Variants in RNGTT observed in about 807,000 individuals in gnomAD.
RNGTT encodes the protein RNA guanylyltransferase and 5'-phosphatase.
Under a neutral mutation model 79.3 loss-of-function variants are expected in RNGTT, and 33 were observed. The ratio of observed to expected loss-of-function variants is 0.42; its 90% CI spans 0.32 to 0.56. The LOEUF (loss-of-function observed/expected upper bound fraction) is 0.56. Ranked by LOEUF, RNGTT falls within the 20% of genes least tolerant of loss-of-function variation. The probability of loss-of-function intolerance (pLI) is 0.17; values close to 1 mark genes in which losing one functional copy is unlikely to be tolerated. For missense variants in RNGTT, 497 were observed against 739.1 expected (o/e 0.67, Z 3.80); for synonymous variants, 222 against 235.9 (o/e 0.94, Z 0.54).
chr6:88,826,779 G>A (rs191872133), intron 11 of RNGTT, among the ~76,000 whole-genome samples: 350 of 123,558 alleles, frequency 2.8e-3, no homozygotes, highest in Middle Eastern at 5.9e-3. Flanking sequence ...GCAAAACCCT[G>A]TCTCAAAAGA....
intron 4 of RNGTT, among the ~76,000 whole-genome samples, chr6:88,917,327 G>A (rs986690932): frequency 6.6e-6 from 1 of 151,978 alleles, no homozygotes; most frequent in Non-Finnish European, 1.5e-5. Flanking sequence ...CAATAAAAAA[G>A]GATATTTATA....
chr6:88,819,867 C>T (rs1486411977), intron 11 of RNGTT, among the ~76,000 whole-genome samples: 1 of 152,082 alleles, frequency 6.6e-6, no homozygotes, highest in African/African-American at 2.4e-5. Flanking sequence ...TTCTATCTAC[C>T]TGCTACAGCT....
chr6:88,962,306 A>T (rs962432964), intron 1 of RNGTT, among the ~76,000 whole-genome samples: 4 of 152,170 alleles, frequency 2.6e-5, no homozygotes, highest in Non-Finnish European at 5.9e-5. Context: ...CTCAATAAAG[A>T]TGAAAAAAAC....
At chr6:88,688,315 T>C (rs1034970288) in intron 13 of RNGTT, among the ~76,000 whole-genome samples, 3 of 152,206 alleles carry the variant, frequency 2.0e-5, no homozygotes, top group African/African-American at 7.2e-5. Flanking sequence ...GGACTATCAG[T>C]AAGGCCTCAT....
intron 8 of RNGTT, among the ~76,000 whole-genome samples, chr6:88,888,920 T>C (rs1782954189): frequency 6.6e-6 from 1 of 151,998 alleles, no homozygotes; most frequent in Non-Finnish European, 1.5e-5. Flanking sequence ...CCCAGCTACT[T>C]GGGAGGCTGA....
At chr6:88,732,293 T>C (rs1358687847) in intron 13 of RNGTT, among the ~76,000 whole-genome samples, 1 of 152,152 alleles carries the variant, frequency 6.6e-6, no homozygotes, top group Non-Finnish European at 1.5e-5. Context: ...TCAAAATCAC[T>C]ACCATTATGG....
In RNGTT at chr6:88,904,724, C is replaced by T. The variant is rs752801147; in HGVS notation, c.675G>A (p.Arg225=). The part of the protein sequence containing the change: ...SASFGKRRKE[R]LKLGAIFLEG... Reference sequence around the variant, plus strand: ...TATTTTTAAACATTACCAGTTTTAACCGTTCTTTTCTCCTTTTGCCAAAAG... The same window carrying T: ...TATTTTTAAACATTACCAGTTTTAATCGTTCTTTTCTCCTTTTGCCAAAAG... Residue 225 remains arginine, a synonymous_variant, in exon 6 of 16, where the codon CGG becomes CGA. Coordinates refer to ENST00000369485, the MANE Select transcript of RNGTT (RefSeq NM_003800.5). The T allele has an allele frequency of 6.2e-7, 1 of 1,612,702 alleles. No individual in the cohort carries two copies. The highest frequency in any genetic ancestry group is 1.1e-5 in the South Asian group (1 of 90,766).
At chr6:88,695,614 G>C (rs185686760) in intron 13 of RNGTT, among the ~76,000 whole-genome samples, 1 of 152,256 alleles carries the variant, frequency 6.6e-6, no homozygotes, top group Non-Finnish European at 1.5e-5. Context: ...ACTAAAAGTA[G>C]AATTATGATA....
At chr6:88,803,348 G>T (rs1779847203) in intron 11 of RNGTT, among the ~76,000 whole-genome samples, 1 of 151,932 alleles carries the variant, frequency 6.6e-6, no homozygotes, top group Non-Finnish European at 1.5e-5. Context: ...GGCTGAGGCG[G>T]GCAGATCATG....
chr6:88,721,720 C>T (rs1466190390), intron 13 of RNGTT, among the ~76,000 whole-genome samples: 1 of 152,054 alleles, frequency 6.6e-6, no homozygotes, highest in Non-Finnish European at 1.5e-5. Context: ...AACAAGCCAC[C>T]TACAATCTTC....
intron 13 of RNGTT, among the ~76,000 whole-genome samples, chr6:88,748,335 T>C (rs1777733181): frequency 1.3e-5 from 2 of 152,116 alleles, no homozygotes; most frequent in Non-Finnish European, 2.9e-5. Context: ...CTTAGTCATC[T>C]CTTGCCACAC....
intron 13 of RNGTT, 118 bp from the exon 14 acceptor site, chr6:88,678,537 A>T: frequency 2.1e-6 from 1 of 468,326 alleles, no homozygotes; most frequent in Non-Finnish European, 3.2e-6. Flanking sequence ...TATTAGATGG[A>T]TGCTGTGAGA....
chr6:88,901,600 G>T (rs555455721), intron 6 of RNGTT, among the ~76,000 whole-genome samples: 2 of 139,324 alleles, frequency 1.4e-5, no homozygotes, highest in African/African-American at 5.4e-5. Flanking sequence ...TCCGCCTCCC[G>T]GGTTCAAGCC....
intron 13 of RNGTT, among the ~76,000 whole-genome samples, chr6:88,709,707 A>G (rs1160243649): frequency 6.6e-6 from 1 of 152,222 alleles, no homozygotes; most frequent in Admixed American, 6.5e-5. Context: ...AATCTTCAAA[A>G]TGTGGTGTGT....
chr6:88,744,303 C>A (rs1192257268), intron 13 of RNGTT, among the ~76,000 whole-genome samples: 1 of 151,924 alleles, frequency 6.6e-6, no homozygotes, highest in African/African-American at 2.4e-5. Flanking sequence ...CTCTTGTCAT[C>A]CAGGCTGGAG....
At chr6:88,837,535 T>A (rs368207299) in intron 11 of RNGTT, among the ~76,000 whole-genome samples, 22 of 152,108 alleles carry the variant, frequency 1.4e-4, no homozygotes, top group African/African-American at 5.1e-4. Flanking sequence ...ATATCAAGAT[T>A]ATTTATAAAC....
chr6:88,766,898 C>T (rs1423073529), intron 13 of RNGTT, among the ~76,000 whole-genome samples: 1 of 152,060 alleles, frequency 6.6e-6, no homozygotes, highest in Non-Finnish European at 1.5e-5. Context: ...TTCACTAGTG[C>T]ATGCTTAATG....
chr6:88,881,980 G>T (rs1450038270), intron 8 of RNGTT, among the ~76,000 whole-genome samples: 1 of 152,040 alleles, frequency 6.6e-6, no homozygotes, highest in African/African-American at 2.4e-5. Context: ...CCCTTAGCTT[G>T]AATGACAGAT....
At chr6:88,846,132 C>T (rs1781474880) in intron 10 of RNGTT, among the ~76,000 whole-genome samples, 2 of 152,102 alleles carry the variant, frequency 1.3e-5, no homozygotes, top group Non-Finnish European at 2.9e-5. Context: ...CCTTCAAATC[C>T]ACAATGCCTA....
Sources: allele counts gnomAD v4.1 joint callset (sites outside exome capture counted in the v4.1 genomes callset), GRCh38; gene constraint gnomAD v4.1.1; transcripts MANE v1.5; gene names NCBI Gene and HGNC (gene_info 2026-07-23, HGNC 2026-07-21).